CHST8: variants seen among roughly 807,000 people sequenced by gnomAD.
The protein encoded by CHST8 is GALNAC-4-ST1.
In CHST8, 10 loss-of-function variants were observed where a neutral mutation model predicts 15.0. That is an observed-to-expected ratio of 0.67 (90% CI 0.41 to 1.13). CHST8 has a LOEUF of 1.13. Ranked by LOEUF, CHST8 falls within the 50% of genes most tolerant of loss-of-function variation. The pLI, the probability that CHST8 is intolerant of heterozygous loss-of-function variation, is 0.00. For missense variants in CHST8, 634 were observed against 608.2 expected (o/e 1.04, Z -0.45); for synonymous variants, 259 against 256.6 (o/e 1.01, Z -0.09).
intron 3 of CHST8, among the ~76,000 whole-genome samples, chr19:33,699,765 C>T (rs1055777336): frequency 2.0e-5 from 3 of 152,190 alleles, no homozygotes; most frequent in African/African-American, 7.2e-5. Context: ...CAGGGACACA[C>T]TGCCCTGCCT....
intron 3 of CHST8, among the ~76,000 whole-genome samples, chr19:33,752,660 G>T (rs746374655): frequency 6.6e-5 from 10 of 152,132 alleles, no homozygotes; most frequent in Non-Finnish European, 1.3e-4. Flanking sequence ...GTCAGGGCTG[G>T]CATGCAAGTG....
intron 3 of CHST8, among the ~76,000 whole-genome samples, chr19:33,737,692 TGTCCTCCTAG>T (rs1410054827): frequency 3.9e-5 from 6 of 152,184 alleles, no homozygotes; most frequent in African/African-American, 1.4e-4. Flanking sequence ...AAAGCATGGC[TGTCCTCCTAG>T]GTCCTCCTAG....
rs115000029 is a variant in CHST8, at chr19:33,741,609, C to T, written c.131-29804C>T. Among the ~76,000 whole-genome samples, 1,127 of 152,068 alleles carry T rather than the reference C, an allele frequency of 7.4e-3. 10 individuals are homozygous for T. The highest frequency in any genetic ancestry group is 0.024 in the African/African-American group (1,010 of 41,484). ...GTTTATGGGATTCTGGTGGGACTTG[C>T]GTGTCTTTTGTAGGACTGGACTGGT... On this transcript the variant is annotated intron_variant, in intron 3 of 4. Coordinates refer to ENST00000650847, the MANE Select transcript of CHST8 (RefSeq NM_001127895.2).
At chr19:33,674,019 G>A (rs531798728) in intron 2 of CHST8, among the ~76,000 whole-genome samples, 1 of 152,342 alleles carries the variant, frequency 6.6e-6, no homozygotes, top group African/African-American at 2.4e-5. Context: ...CTCCCAAAGT[G>A]CTGGGATTAC....
chr19:33,678,181 A>T (rs1972835165), intron 2 of CHST8, among the ~76,000 whole-genome samples: 1 of 152,130 alleles, frequency 6.6e-6, no homozygotes, highest in Non-Finnish European at 1.5e-5. Context: ...GGTGGAGGAG[A>T]CTTGGAACAC....
At chr19:33,747,036 G>T (rs8103790) in intron 3 of CHST8, among the ~76,000 whole-genome samples, 12,248 of 152,146 alleles carry the variant, frequency 0.081, 1,639 homozygotes, top group African/African-American at 0.28. Context: ...TGAGAAAATT[G>T]CTGTTCCTCC....
chr19:33,717,613 G>A (rs1167724725), intron 3 of CHST8, among the ~76,000 whole-genome samples: 2 of 152,114 alleles, frequency 1.3e-5, no homozygotes, highest in Non-Finnish European at 2.9e-5. Context: ...AGATTTCTTA[G>A]AACTGTAGTG....
chr19:33,743,983 G>A (rs1000371577), intron 3 of CHST8, among the ~76,000 whole-genome samples: 1 of 151,772 alleles, frequency 6.6e-6, no homozygotes, highest in Non-Finnish European at 1.5e-5. Flanking sequence ...TAGAGACAGG[G>A]TTTCACCATG....
chr19:33,659,057 G>GA (rs1972550324), intron 1 of CHST8, among the ~76,000 whole-genome samples: 3 of 97,686 alleles, frequency 3.1e-5, no homozygotes, highest in Non-Finnish European at 6.0e-5. Flanking sequence ...GTTAGGTAAT[G>GA]ACTTTTTTTT....
At chr19:33,742,688 C>G (rs1464006125) in intron 3 of CHST8, among the ~76,000 whole-genome samples, 1 of 152,190 alleles carries the variant, frequency 6.6e-6, no homozygotes, top group Non-Finnish European at 1.5e-5. Flanking sequence ...GACAGCTGAT[C>G]ACCCCTCCTT....
Position 33,772,914 on chromosome 19 carries a change from C to G in CHST8, c.1126C>G (p.Arg376Gly). ...RNLTFPRFKD[R>G]HSQEARTTAR... The stretch of plus-strand genomic sequence containing the variant: ...CCTGACCTTCCCCCGGTTCAAGGAC[C>G]GGCACTCGCAGGAGGCGCGGACCAC... Residue 376 changes from arginine to glycine, a missense_variant, in exon 5 of 5, where the codon CGG (arginine) becomes GGG (glycine). Coordinates refer to ENST00000650847, the MANE Select transcript of CHST8 (RefSeq NM_001127895.2). 1 of 1,613,480 alleles carries G rather than the reference C, an allele frequency of 6.2e-7. No individual in the cohort carries two copies. The highest frequency in any genetic ancestry group is 2.2e-5 in the East Asian group (1 of 44,886).
chr19:33,672,842 C>A (rs970489397), intron 2 of CHST8, among the ~76,000 whole-genome samples: 1 of 152,176 alleles, frequency 6.6e-6, no homozygotes, highest in African/African-American at 2.4e-5. Context: ...AGAGAAATGA[C>A]ATTTTCTGAG....
intron 1 of CHST8, among the ~76,000 whole-genome samples, chr19:33,648,578 A>G (rs141288885): frequency 6.6e-6 from 1 of 152,212 alleles, no homozygotes; most frequent in African/African-American, 2.4e-5. Flanking sequence ...ATAAAAAATT[A>G]AAAAAATTAA....
At chr19:33,723,327 G>A (rs1973836622) in intron 3 of CHST8, among the ~76,000 whole-genome samples, 1 of 152,230 alleles carries the variant, frequency 6.6e-6, no homozygotes, top group Admixed American at 6.5e-5. Context: ...TGCATGCACA[G>A]GCACCTAGGA....
intron 3 of CHST8, among the ~76,000 whole-genome samples, chr19:33,724,998 G>A (rs1004590311): frequency 1.3e-5 from 2 of 152,174 alleles, no homozygotes; most frequent in African/African-American, 2.4e-5. Context: ...CAGAGCTCCC[G>A]GGAGCCATCG....
rs1974599690 is a variant in CHST8, at chr19:33,757,487, AAAG to A, written c.131-13923_131-13921del. Among the ~76,000 whole-genome samples, 3 of 48,542 alleles carry A rather than the reference AAAG, an allele frequency of 6.2e-5. 1 individual carries two copies. The highest frequency in any genetic ancestry group is 1.3e-4 in the Non-Finnish European group (3 of 23,638). 31.8% of individuals were successfully genotyped at this position (48,542 alleles called of 152,430 possible). A position where few individuals can be genotyped will look rare whatever the true frequency, so the allele number is the denominator to read the frequency against. On this transcript the variant is annotated intron_variant, in intron 3 of 4. Transcript: ENST00000650847. ...GAAAGAAAGAAAGAAAGAAAGAAAG[AAAG>A]AAAGAAAGAAAGAAAGAAAGAAAGA... is the stretch of plus-strand genomic sequence containing the variant.
intron 1 of CHST8, among the ~76,000 whole-genome samples, chr19:33,639,588 A>G (rs1972250878): frequency 6.6e-6 from 1 of 152,070 alleles, no homozygotes; most frequent in South Asian, 2.1e-4. Context: ...TCCCTGGGGA[A>G]TGTGGGGTTA....
intron 3 of CHST8, among the ~76,000 whole-genome samples, chr19:33,694,841 A>G (rs1156366484): frequency 6.6e-6 from 1 of 152,106 alleles, no homozygotes; most frequent in Non-Finnish European, 1.5e-5. Flanking sequence ...TTGGCCTCCC[A>G]AAGTGTTGGG....
chr19:33,656,885 T>C (rs2145216924), intron 1 of CHST8, among the ~76,000 whole-genome samples: 1 of 152,278 alleles, frequency 6.6e-6, no homozygotes, highest in Non-Finnish European at 1.5e-5. Flanking sequence ...TTATAATGTA[T>C]CATTATTTAT....
Sources: gnomAD v4.1 joint callset for allele counts (sites outside exome capture counted in the v4.1 genomes callset) on GRCh38, gnomAD v4.1.1 for gene constraint, MANE v1.5 for transcripts, NCBI Gene and HGNC (gene_info 2026-07-23, HGNC 2026-07-21) for gene names.